The following ARHGAP44 variants were observed in gnomAD, a reference collection of about 807,000 sequenced individuals.
ARHGAP44 encodes Rho GTPase activating protein 44, also known as rho GTPase-activating protein 44.
ARHGAP44 carries 43 observed loss-of-function variants against 106.8 expected under a neutral mutation model. The ratio of observed to expected loss-of-function variants is 0.40; its 90% CI spans 0.32 to 0.52. ARHGAP44 has a LOEUF of 0.52. Ranked by LOEUF, ARHGAP44 falls within the 20% of genes least tolerant of loss-of-function variation. The pLI, the probability that ARHGAP44 is intolerant of heterozygous loss-of-function variation, is 0.48. For synonymous variants in ARHGAP44, 439 were observed against 410.3 expected, an observed-to-expected ratio of 1.07 and a Z score of -0.85; for missense variants, 866 against 1,050.5, an observed-to-expected ratio of 0.82 and a Z score of 2.43.
intron 12 of ARHGAP44, among the ~76,000 whole-genome samples, chr17:12,950,366 C>T (rs1346597757): frequency 1.3e-5 from 2 of 152,172 alleles, no homozygotes; most frequent in East Asian, 3.9e-4. Context: ...CAGCCTCTCT[C>T]TCCCCTCCTG....
chr17:12,972,689 TCTCA>T (rs2039558599), intron 16 of ARHGAP44, among the ~76,000 whole-genome samples: 1 of 147,764 alleles, frequency 6.8e-6, no homozygotes, highest in African/African-American at 2.5e-5. Context: ...TGAGACGGAG[TCTCA>T]CTCTGTCACC....
Position 12,949,190 on chromosome 17 carries a change from G to A in ARHGAP44, c.912G>A (p.Ala304=), listed in dbSNP as rs2038935429. 7.6e-6 allele frequency: 12 copies of A among 1,582,946 alleles called. No homozygotes were observed. The highest frequency in any genetic ancestry group is 4.6e-5 in the South Asian group (4 of 86,128). Residue 304 remains alanine (A), a synonymous_variant, in exon 11 of 21, where the codon GCG becomes GCA. Transcript: ENST00000379672. This position sits in a 1 kb window ranked among gnomAD's most constrained non-coding sequence, Gnocchi z 4.1. The stretch of plus-strand genomic sequence containing the variant: ...CCTCCAAACTGAAGAAGCTGAAAGC[G>A]GCCCTGGACTGCTGCGTGGTGGATG... ...PSASKLKKLK[A]ALDCCVVDVQ...
At chr17:12,973,951 C>T in intron 17 of ARHGAP44, 138 bp from the exon 18 acceptor site, 1 of 900,534 alleles carries the variant, frequency 1.1e-6, no homozygotes, top group Non-Finnish European at 1.7e-6. Flanking sequence ...GCCCCCAATG[C>T]ATCGCTTCCC....
At chr17:12,810,464 T>G (rs896253806) in intron 1 of ARHGAP44, among the ~76,000 whole-genome samples, 4 of 152,166 alleles carry the variant, frequency 2.6e-5, no homozygotes, top group South Asian at 2.1e-4. Flanking sequence ...TGACTCATAA[T>G]GGGGCGATAG....
chr17:12,846,635 G>GA (rs763415788), intron 1 of ARHGAP44, among the ~76,000 whole-genome samples: 11 of 152,196 alleles, frequency 7.2e-5, no homozygotes, highest in Non-Finnish European at 1.6e-4. Flanking sequence ...AAGTAGGAAT[G>GA]AAAATTACTT....
intron 1 of ARHGAP44, among the ~76,000 whole-genome samples, chr17:12,846,069 G>A (rs1177034850): frequency 6.6e-6 from 1 of 150,778 alleles, no homozygotes; most frequent in African/African-American, 2.5e-5. Flanking sequence ...TTATGAGGAA[G>A]GTGATATAGT....
At chr17:12,926,904 T>C (rs191465240) in intron 6 of ARHGAP44, among the ~76,000 whole-genome samples, 3 of 152,302 alleles carry the variant, frequency 2.0e-5, no homozygotes, top group Admixed American at 2.0e-4. Flanking sequence ...GTTGTAGTTA[T>C]TGTCTGAGAT....
chr17:12,857,317 G>A (rs2035940192), intron 1 of ARHGAP44, among the ~76,000 whole-genome samples: 1 of 152,202 alleles, frequency 6.6e-6, no homozygotes, highest in Non-Finnish European at 1.5e-5. Flanking sequence ...AAAGAATAGA[G>A]GTTGATTTAG....
chr17:12,984,905 A>G lies in ARHGAP44; in HGVS notation c.2314A>G (p.Thr772Ala). 6.3e-7 allele frequency: 1 copy of G among 1,596,510 alleles called. No homozygotes were observed. The highest frequency in any genetic ancestry group is 8.6e-7 in the Non-Finnish European group (1 of 1,168,868). ...DGMSPGESMS[T>A]DLVHFDIPSI... ...CATGTCCCCTGGGGAAAGCATGTCTACAGGTAACCAAGCCACAGGCTCCCT... is the reference window on the plus strand; with the variant it reads ...CATGTCCCCTGGGGAAAGCATGTCTGCAGGTAACCAAGCCACAGGCTCCCT... Residue 772 changes from threonine (T) to alanine (A), a missense_variant, in exon 20 of 21, where the codon ACA becomes GCA. Physicochemically the swap from Thr to Ala is moderately conservative, Grantham distance 58. Around this residue, in one of 2 missense-constraint regions of ARHGAP44, gnomAD observed 418 missense variants for 403.6 expected, o/e 1.04. Transcript: ENST00000379672.
At chr17:12,849,960 C>G (rs1046208041) in intron 1 of ARHGAP44, among the ~76,000 whole-genome samples, 12 of 151,920 alleles carry the variant, frequency 7.9e-5, no homozygotes, top group African/African-American at 2.7e-4. Flanking sequence ...CATCCAAGAC[C>G]GAAAAATAGC....
chr17:12,900,446 T>G (rs905575592), intron 3 of ARHGAP44, among the ~76,000 whole-genome samples: 1 of 152,192 alleles, frequency 6.6e-6, no homozygotes, highest in African/African-American at 2.4e-5. Context: ...CCATCTTTAG[T>G]CCTGGATAAT....
chr17:12,830,640 G>A (rs2035059599), intron 1 of ARHGAP44, among the ~76,000 whole-genome samples: 1 of 152,160 alleles, frequency 6.6e-6, no homozygotes, highest in Non-Finnish European at 1.5e-5. Context: ...TTTTATCCTG[G>A]AGAGTTAAGA....
chr17:12,981,628 C>G (rs1351655950), intron 19 of ARHGAP44, among the ~76,000 whole-genome samples: 1 of 151,862 alleles, frequency 6.6e-6, no homozygotes, highest in African/African-American at 2.4e-5. Flanking sequence ...GAACTCCTGA[C>G]CTCAGGTGAT....
chr17:12,974,054 G>C, intron 17 of ARHGAP44, 35 bp from the exon 18 acceptor site: 2 of 1,543,120 alleles, frequency 1.3e-6, no homozygotes, highest in Middle Eastern at 1.7e-4. Context: ...CATCTGTTAC[G>C]CGTGGGTAAG....
intron 6 of ARHGAP44, among the ~76,000 whole-genome samples, chr17:12,925,740 A>G (rs905861717): frequency 6.6e-6 from 1 of 152,178 alleles, no homozygotes; most frequent in African/African-American, 2.4e-5. Context: ...CTGCTCTTCA[A>G]CTTTCAAAGC....
intron 16 of ARHGAP44, among the ~76,000 whole-genome samples, chr17:12,967,133 T>C: frequency 6.6e-6 from 1 of 151,424 alleles, no homozygotes; most frequent in African/African-American, 2.4e-5. Context: ...GGGGCAGGTC[T>C]TTGTTTCTCT....
chr17:12,825,210 T>C lies in ARHGAP44; in HGVS notation c.53+35319T>C, dbSNP rs577773431. ...TGCTACCATGCCCAGCTAAATTTTG[T>C]ATTATTTTGTAGAGATGGGGTTTTG... On this transcript the variant is annotated intron_variant, in intron 1 of 20. Coordinates refer to ENST00000379672, the MANE Select transcript of ARHGAP44 (RefSeq NM_014859.6). 4.6e-5 allele frequency among the ~76,000 whole-genome samples: 7 copies of C among 152,016 alleles called. No individual in the cohort carries two copies. The South Asian group carries it at 1.5e-3, about 32-fold the overall frequency.
At chr17:12,878,656 T>C (rs1302036730) in intron 1 of ARHGAP44, among the ~76,000 whole-genome samples, 1 of 152,198 alleles carries the variant, frequency 6.6e-6, no homozygotes, top group African/African-American at 2.4e-5. Context: ...GAAGGTTAGC[T>C]TCCATAGGTC....
At position 12,955,936 on chromosome 17, in the gene ARHGAP44, G is replaced by A. The variant is rs1817469425; in HGVS notation, c.1206G>A (p.Met402Ile). 1 of 1,613,314 alleles carries A rather than the reference G, an allele frequency of 6.2e-7. No homozygotes were observed. Among genetic ancestry groups the A allele is most frequent in the African/African-American group, 1.3e-5 (1 of 74,772 alleles). ...QDVNKMTPSNMAIVLGPNLLW... is the reference protein window; with the variant it reads ...QDVNKMTPSNIAIVLGPNLLW... ...TAAACAAGATGACTCCCAGTAATATGGCAATTGTTTTAGGACCCAACCTCC... is the reference window on the plus strand; with the variant it reads ...TAAACAAGATGACTCCCAGTAATATAGCAATTGTTTTAGGACCCAACCTCC... Residue 402 changes from methionine (M) to isoleucine (I), a missense_variant, in exon 14 of 21, where the codon ATG becomes ATA. Physicochemically the swap from Met to Ile is conservative, Grantham distance 10. Coordinates refer to ENST00000379672, the MANE Select transcript of ARHGAP44 (RefSeq NM_014859.6).
Sources: gnomAD v4.1 joint callset for allele counts (sites outside exome capture counted in the v4.1 genomes callset) on GRCh38, gnomAD v4.1.1 for gene constraint, gnomAD v4.1.1 regional missense constraint, Gnocchi (gnomAD v3.1) non-coding constraint, MANE v1.5 for transcripts, NCBI Gene and HGNC (gene_info 2026-07-23, HGNC 2026-07-21) for gene names.